The following IMMP2L variants were observed in gnomAD, a reference collection of about 807,000 sequenced individuals.
IMMP2L encodes the protein mitochondrial inner membrane protease subunit 2.
A neutral mutation model predicts 19.3 loss-of-function variants in IMMP2L; 18 were observed. The observed-to-expected ratio is 0.93, with a 90% CI of 0.64 to 1.38. The LOEUF (loss-of-function observed/expected upper bound fraction) is 1.38, where lower values mean the gene tolerates loss of function less well. IMMP2L is among the 40% of genes most tolerant of loss of function. IMMP2L has a pLI of 0.00. For missense variants in IMMP2L, 233 were observed against 218.2 expected, an observed-to-expected ratio of 1.07 and a Z score of -0.43; for synonymous variants, 76 against 73.0, an observed-to-expected ratio of 1.04 and a Z score of -0.21.
At chr7:110,905,398 A>T (rs1445273095) in intron 4 of IMMP2L, among the ~76,000 whole-genome samples, 2 of 152,186 alleles carry the variant, frequency 1.3e-5, no homozygotes, top group Non-Finnish European at 2.9e-5. Context: ...TCCCCATTAA[A>T]GAAAAAAATA....
intron 3 of IMMP2L, among the ~76,000 whole-genome samples, chr7:111,174,143 G>A (rs1806772483): frequency 6.6e-6 from 1 of 151,652 alleles, no homozygotes; most frequent in Non-Finnish European, 1.5e-5. Flanking sequence ...CCTGGTCTCA[G>A]TTTCACTAGA....
chr7:111,045,393 T>C (rs1792300429), intron 3 of IMMP2L, among the ~76,000 whole-genome samples: 1 of 152,218 alleles, frequency 6.6e-6, no homozygotes, highest in Non-Finnish European at 1.5e-5. Context: ...AAGCCTCTTA[T>C]CTGGTCTCTG....
intron 3 of IMMP2L, among the ~76,000 whole-genome samples, chr7:111,205,451 T>C (rs761706880): frequency 6.6e-6 from 1 of 152,172 alleles, no homozygotes; most frequent in Non-Finnish European, 1.5e-5. Context: ...ATGGAGATTG[T>C]CACAGAGCCA....
intron 5 of IMMP2L, among the ~76,000 whole-genome samples, chr7:110,871,790 A>G (rs1808561394): frequency 6.6e-6 from 1 of 152,184 alleles, no homozygotes; most frequent in African/African-American, 2.4e-5. Context: ...AGTATGAAAA[A>G]CAATATAGTT....
At chr7:111,078,950 G>A (rs1213690802) in intron 3 of IMMP2L, among the ~76,000 whole-genome samples, 1 of 151,880 alleles carries the variant, frequency 6.6e-6, no homozygotes, top group Non-Finnish European at 1.5e-5. Flanking sequence ...GGCTGGTCTC[G>A]AACTCCTGAC....
intron 3 of IMMP2L, among the ~76,000 whole-genome samples, chr7:111,464,009 T>A (rs938235143): frequency 4.6e-5 from 7 of 152,204 alleles, no homozygotes; most frequent in African/African-American, 1.7e-4. Flanking sequence ...TTTTGCTCCT[T>A]TCCTCCTTCA....
chr7:110,956,780 C>T (rs899027697), intron 4 of IMMP2L, among the ~76,000 whole-genome samples: 11 of 151,936 alleles, frequency 7.2e-5, no homozygotes, highest in African/African-American at 2.2e-4. Context: ...AAAAATGATG[C>T]TGGACTTCAT....
At chr7:111,004,520 T>C (rs1342193994) in intron 3 of IMMP2L, among the ~76,000 whole-genome samples, 4 of 152,116 alleles carry the variant, frequency 2.6e-5, no homozygotes, top group East Asian at 1.9e-4. Context: ...AATAACTGGA[T>C]AAATGTCAGT....
At chr7:111,503,499 C>CTG (rs1343277999) in intron 2 of IMMP2L, among the ~76,000 whole-genome samples, 1 of 152,102 alleles carries the variant, frequency 6.6e-6, no homozygotes, top group Non-Finnish European at 1.5e-5. Context: ...ATACCAAAGC[C>CTG]TGGCAGAGAC....
intron 3 of IMMP2L, among the ~76,000 whole-genome samples, chr7:111,126,412 A>G (rs1801318351): frequency 6.6e-6 from 1 of 152,178 alleles, no homozygotes; most frequent in Admixed American, 6.5e-5. Flanking sequence ...TAAAAATGAC[A>G]CAATTCAGAT....
chr7:111,497,945 A>G (rs1247029899), intron 2 of IMMP2L, among the ~76,000 whole-genome samples: 1 of 151,826 alleles, frequency 6.6e-6, no homozygotes, highest in East Asian at 1.9e-4. Flanking sequence ...GGTGGTATCA[A>G]TTATTTATTT....
chr7:111,389,248 T>A (rs1244197434), intron 3 of IMMP2L, among the ~76,000 whole-genome samples: 1 of 152,018 alleles, frequency 6.6e-6, no homozygotes, highest in Non-Finnish European at 1.5e-5. Flanking sequence ...AATGTCAAAA[T>A]CATTAAAGAT....
At chr7:110,837,632 TA>T (rs557825319) in intron 5 of IMMP2L, among the ~76,000 whole-genome samples, 2 of 151,842 alleles carry the variant, frequency 1.3e-5, no homozygotes, top group Non-Finnish European at 2.9e-5. Context: ...CGCCATCATT[TA>T]AAAAAAATAG....
intron 3 of IMMP2L, among the ~76,000 whole-genome samples, chr7:111,113,173 T>C (rs1799444928): frequency 6.6e-6 from 1 of 152,212 alleles, no homozygotes; most frequent in African/African-American, 2.4e-5. Context: ...CTTCATTCTC[T>C]ATCTATACTA....
chr7:111,350,229 G>C (rs1397869089), intron 3 of IMMP2L, among the ~76,000 whole-genome samples: 3 of 151,942 alleles, frequency 2.0e-5, no homozygotes, highest in Non-Finnish European at 4.4e-5. Flanking sequence ...GCCTCCCAAA[G>C]TGCTGGGATT....
chr7:111,385,166 G>T (rs541540495), intron 3 of IMMP2L, among the ~76,000 whole-genome samples: 3 of 152,094 alleles, frequency 2.0e-5, no homozygotes, highest in Non-Finnish European at 4.4e-5. Context: ...GTGGAGGTGG[G>T]GGGGCAAGGG....
chr7:111,034,417 T>C (rs1342237846), intron 3 of IMMP2L, among the ~76,000 whole-genome samples: 1 of 152,150 alleles, frequency 6.6e-6, no homozygotes, highest in South Asian at 2.1e-4. Context: ...AGAGAAACCT[T>C]GCAAAGAATT....
At chr7:110,688,937 C>T (rs548267398) in intron 5 of IMMP2L, among the ~76,000 whole-genome samples, 1 of 149,410 alleles carries the variant, frequency 6.7e-6, no homozygotes, top group East Asian at 1.9e-4. Flanking sequence ...AAAAGATGTA[C>T]ATAAACATTT....
In IMMP2L at chr7:110,758,654, T is replaced by C. The variant is rs1310874991; in HGVS notation, c.409-94933A>G. ...TACAGTACAATCTTCCAATACTTTG[T>C]GAGCAGTTAGGACGTTAGTATATAA... On this transcript the variant is annotated intron_variant, in intron 5 of 5. Transcript: ENST00000405709. This position sits in a 1 kb window ranked among gnomAD's most constrained non-coding sequence, Gnocchi z 4.6. 2.0e-5 allele frequency among the ~76,000 whole-genome samples: 3 copies of C among 152,144 alleles called. No homozygotes were observed. Among genetic ancestry groups the C allele is most frequent in the Non-Finnish European group, 4.4e-5 (3 of 68,022 alleles).
Sources: allele counts gnomAD v4.1 joint callset (sites outside exome capture counted in the v4.1 genomes callset), GRCh38; gene constraint gnomAD v4.1.1; non-coding constraint Gnocchi (gnomAD v3.1); transcripts MANE v1.5; gene names NCBI Gene and HGNC (gene_info 2026-07-23, HGNC 2026-07-21).